The following RELN variants were observed in gnomAD, a reference collection of about 807,000 sequenced individuals.
RELN encodes the protein reelin.
Under a neutral mutation model 427.6 loss-of-function variants are expected in RELN, and 108 were observed. The observed-to-expected ratio is 0.25, with a 90% CI of 0.22 to 0.30. RELN has a LOEUF of 0.30. Ranked by LOEUF, RELN falls within the 10% of genes least tolerant of loss-of-function variation. The pLI, the probability that RELN is intolerant of heterozygous loss-of-function variation, is 1.00. For synonymous variants in RELN, 1,524 were observed against 1,513.4 expected, an observed-to-expected ratio of 1.01 and a Z score of -0.16; for missense variants, 3,715 against 4,302.8, an observed-to-expected ratio of 0.86 and a Z score of 3.82.
chr7:103,671,126 T>C (rs1320390788), intron 11 of RELN, among the ~76,000 whole-genome samples: 1 of 152,164 alleles, frequency 6.6e-6, no homozygotes, highest in Non-Finnish European at 1.5e-5. Flanking sequence ...CATTCATTTA[T>C]ATTCATGAGG....
chr7:103,653,658 A>G (rs1161497495), intron 13 of RELN, among the ~76,000 whole-genome samples: 1 of 152,038 alleles, frequency 6.6e-6, no homozygotes, highest in Non-Finnish European at 1.5e-5. Context: ...AAAAAGGCCA[A>G]CCTCAATCGG....
chr7:103,692,439 T>C (rs189942935), intron 10 of RELN, among the ~76,000 whole-genome samples: 1 of 152,120 alleles, frequency 6.6e-6, no homozygotes, highest in Non-Finnish European at 1.5e-5. Flanking sequence ...CTCTTGCCTC[T>C]TCTTCTTCTT....
At chr7:103,510,136 T>C (rs920237697) in intron 51 of RELN, among the ~76,000 whole-genome samples, 9 of 152,210 alleles carry the variant, frequency 5.9e-5, no homozygotes, top group Admixed American at 1.3e-4. Context: ...ATCCCATTAC[T>C]GGGTATATAC....
chr7:103,566,727 T>C lies in RELN; in HGVS notation c.4621A>G (p.Ile1541Val), dbSNP rs1032432056. 29 of 1,614,084 alleles carry C rather than the reference T, an allele frequency of 1.8e-5. No individual in the cohort carries two copies. Among genetic ancestry groups the C allele is most frequent in the Non-Finnish European group, 2.5e-5 (29 of 1,179,922 alleles). ...LIVQYSNDNGILWHLLRELDF... is the reference protein window; with the variant it reads ...LIVQYSNDNGVLWHLLRELDF... ...AACTCTCGAAGCAAATGCCAGAGTA[T>C]CCCATTGTCATTTGAATACTGAACA... Residue 1541 changes from isoleucine (I) to valine (V), a missense_variant, in exon 32 of 65, where the codon ATA becomes GTA. By Grantham distance (29) the Ile-to-Val change is conservative. Around this residue, in one of 4 missense-constraint regions of RELN, gnomAD observed 2,208 missense variants for 2,361.7 expected, o/e 0.93. Transcript: ENST00000428762.
chr7:103,548,484 C>T (rs2117147500), intron 41 of RELN, among the ~76,000 whole-genome samples: 1 of 152,350 alleles, frequency 6.6e-6, no homozygotes, highest in East Asian at 1.9e-4. Context: ...AGTGCTAATT[C>T]TTTTCCTGAA....
chr7:103,564,126 T>C (rs1178508219), intron 34 of RELN, among the ~76,000 whole-genome samples: 1 of 152,236 alleles, frequency 6.6e-6, no homozygotes, highest in Non-Finnish European at 1.5e-5. Flanking sequence ...TAAGTGTTTG[T>C]TGAATTTTTA....
In RELN at chr7:103,603,364, A is replaced by T; in HGVS notation, c.3273T>A (p.Ile1091=). 1 of 1,613,880 alleles carries T rather than the reference A, an allele frequency of 6.2e-7. No homozygotes were observed. Among genetic ancestry groups the T allele is most frequent in the Non-Finnish European group, 8.5e-7 (1 of 1,179,866 alleles). Residue 1091 remains isoleucine (I), a synonymous_variant, in exon 24 of 65, where the codon ATT becomes ATA. Coordinates refer to ENST00000428762, the MANE Select transcript of RELN (RefSeq NM_005045.4). The surrounding 1 kb of genome is among the most constrained non-coding windows in gnomAD (Gnocchi z 4.3). ...CACCACACCCTTGTTCTGGTTTTACAATTTCTCCCCCAATAACTTCTTGCC... is the reference window on the plus strand; with the variant it reads ...CACCACACCCTTGTTCTGGTTTTACTATTTCTCCCCCAATAACTTCTTGCC... ...SDWQEVIGGE[I]VKPEQGCGVI...
At chr7:103,793,266 T>C (rs1284658354) in intron 3 of RELN, among the ~76,000 whole-genome samples, 3 of 152,222 alleles carry the variant, frequency 2.0e-5, no homozygotes, top group Non-Finnish European at 4.4e-5. Flanking sequence ...TTAAGTCATC[T>C]AGCATATGTA....
chr7:103,534,759 C>A (rs1043223189), intron 46 of RELN, among the ~76,000 whole-genome samples: 1 of 152,092 alleles, frequency 6.6e-6, no homozygotes, highest in Non-Finnish European at 1.5e-5. Context: ...TTTTATTAAG[C>A]CCTGATCCCT....
intron 1 of RELN, among the ~76,000 whole-genome samples, chr7:103,952,275 C>A (rs796796686): frequency 2.0e-5 from 3 of 152,272 alleles, no homozygotes; most frequent in African/African-American, 7.2e-5. Flanking sequence ...CTTTGGGTCA[C>A]CCTTCAGTCT....
At chr7:103,840,631 C>G (rs1793529744) in intron 2 of RELN, among the ~76,000 whole-genome samples, 1 of 152,156 alleles carries the variant, frequency 6.6e-6, no homozygotes, top group African/African-American at 2.4e-5. Context: ...AATGAGAGAA[C>G]TCAGAATCAG....
At chr7:103,478,842 A>G (rs940383954) in intron 63 of RELN, among the ~76,000 whole-genome samples, 3 of 152,220 alleles carry the variant, frequency 2.0e-5, no homozygotes, top group Non-Finnish European at 4.4e-5. Context: ...TTAATAAAGG[A>G]CAAATATGCT....
intron 3 of RELN, among the ~76,000 whole-genome samples, chr7:103,831,341 C>T (rs1335346483): frequency 2.0e-5 from 3 of 152,000 alleles, no homozygotes; most frequent in Non-Finnish European, 4.4e-5. Context: ...TCATATAATT[C>T]AAGGGGAATT....
intron 63 of RELN, among the ~76,000 whole-genome samples, chr7:103,479,706 A>G (rs180708377): frequency 6.6e-6 from 1 of 152,344 alleles, no homozygotes; most frequent in Admixed American, 6.5e-5. Context: ...GAATTAAACC[A>G]TTTAATTAAA....
In RELN at chr7:103,486,869, C is replaced by A. The variant is rs553694581; in HGVS notation, c.9764-453G>T. ...GTGGTGATTCCTCAAGGATCTAGAACTAGAAATACCATTTGACCTGGCAAT... is the reference window on the plus strand; with the variant it reads ...GTGGTGATTCCTCAAGGATCTAGAAATAGAAATACCATTTGACCTGGCAAT... On this transcript the variant is annotated intron_variant, in intron 60 of 64. Coordinates refer to ENST00000428762, the MANE Select transcript of RELN (RefSeq NM_005045.4). Among the ~76,000 whole-genome samples, 3 of 152,260 alleles carry A rather than the reference C, an allele frequency of 2.0e-5. No homozygotes were observed. The East Asian group carries it at 5.8e-4, about 29-fold the overall frequency.
At chr7:103,964,145 C>A (rs567581777) in intron 1 of RELN, among the ~76,000 whole-genome samples, 1 of 151,990 alleles carries the variant, frequency 6.6e-6, no homozygotes, top group South Asian at 2.1e-4. Context: ...GGTGATAGAG[C>A]GAGACCCTGT....
At chr7:103,741,371 GATTTT>G (rs1790650481) in intron 6 of RELN, among the ~76,000 whole-genome samples, 1 of 151,734 alleles carries the variant, frequency 6.6e-6, no homozygotes, top group Non-Finnish European at 1.5e-5. Flanking sequence ...ATATTCCATA[GATTTT>G]ATAATATAAA....
Position 103,566,622 on chromosome 7 carries a change from G to C in RELN, c.4726C>G (p.Arg1576Gly), listed in dbSNP as rs1212988348. The change falls in exon 32 of 65, where the codon CGA (arginine) becomes GGA (glycine). Residue 1576 changes from arginine (R) to glycine (G), a missense_variant. Transcript: ENST00000428762. ...QDAKTPATAF[R>G]WWQPQHGKHS... ...TTACCATGTTGCGGTTGCCACCATC[G>C]AAATGCCGTTGCAGGTGTCTTCGCG... 1.2e-6 allele frequency: 2 copies of C among 1,614,078 alleles called. No individual in the cohort carries two copies. Among genetic ancestry groups the C allele is most frequent in the Non-Finnish European group, 1.7e-6 (2 of 1,180,030 alleles).
chr7:103,635,338 A>T, intron 19 of RELN, 87 bp downstream of exon 19: 3 of 1,461,378 alleles, frequency 2.1e-6, no homozygotes, highest in South Asian at 1.2e-5. Context: ...ATGGAAAAAT[A>T]TCTAGAATTT....
Sources: gnomAD v4.1 joint callset for allele counts (sites outside exome capture counted in the v4.1 genomes callset) on GRCh38, gnomAD v4.1.1 for gene constraint, gnomAD v4.1.1 regional missense constraint, Gnocchi (gnomAD v3.1) non-coding constraint, MANE v1.5 for transcripts, NCBI Gene and HGNC (gene_info 2026-07-23, HGNC 2026-07-21) for gene names.